The following LMX1B variants were observed in gnomAD, a reference collection of about 807,000 sequenced individuals.
The protein encoded by LMX1B is LIM homeobox transcription factor 1 beta.
LMX1B carries 12 observed loss-of-function variants against 51.4 expected under a neutral mutation model. That is an observed-to-expected ratio of 0.23 (90% CI 0.15 to 0.38). The LOEUF (loss-of-function observed/expected upper bound fraction) is 0.38. Among genes scored for constraint, LMX1B ranks in the 10% least tolerant of loss-of-function variants. The pLI, the probability that LMX1B is intolerant of heterozygous loss-of-function variation, is 1.00. For synonymous variants in LMX1B, 237 were observed against 235.4 expected, an observed-to-expected ratio of 1.01 and a Z score of -0.06; for missense variants, 445 against 571.1, an observed-to-expected ratio of 0.78 and a Z score of 2.25.
rs551904072 is a variant in LMX1B, at chr9:126,673,897, C to T, written c.327-16939C>T. Among the ~76,000 whole-genome samples the T allele has an allele frequency of 9.8e-5, 15 of 152,308 alleles. No individual in the cohort carries two copies. The South Asian group carries it at 3.1e-3, about 32-fold the overall frequency. On this transcript the variant is annotated intron_variant, in intron 2 of 7. Coordinates refer to ENST00000373474, the MANE Select transcript of LMX1B (RefSeq NM_001174147.2). This position sits in a 1 kb window ranked among gnomAD's most constrained non-coding sequence, Gnocchi z 4.4. ...GCAGAGTAAACAGCCGCTGCCCTGT[C>T]CTCTCTGCGGCCGTGGCCAGGTACA...
intron 2 of LMX1B, among the ~76,000 whole-genome samples, chr9:126,681,530 C>G (rs1204626500): frequency 6.6e-6 from 1 of 152,104 alleles, no homozygotes; most frequent in African/African-American, 2.4e-5. Context: ...CTTCACTGTG[C>G]TAACTTCCCA....
At chr9:126,665,500 C>T (rs1046607924) in intron 2 of LMX1B, among the ~76,000 whole-genome samples, 1 of 152,240 alleles carries the variant, frequency 6.6e-6, no homozygotes, top group Non-Finnish European at 1.5e-5. Context: ...TGGCGGCCAC[C>T]GGCCAGCGGG....
intron 2 of LMX1B, among the ~76,000 whole-genome samples, chr9:126,631,508 C>T (rs917282980): frequency 3.3e-5 from 5 of 151,106 alleles, no homozygotes; most frequent in East Asian, 2.0e-4. Context: ...TGGCTCAGCT[C>T]GGCCGGCCGG....
chr9:126,639,985 G>A (rs1835778501), intron 2 of LMX1B, among the ~76,000 whole-genome samples: 1 of 152,202 alleles, frequency 6.6e-6, no homozygotes, highest in African/African-American at 2.4e-5. Flanking sequence ...TTTTAATGGC[G>A]CTCAAATGCT....
intron 2 of LMX1B, among the ~76,000 whole-genome samples, chr9:126,635,542 G>A (rs1234101171): frequency 6.6e-6 from 1 of 152,202 alleles, no homozygotes; most frequent in African/African-American, 2.4e-5. Flanking sequence ...TAACTGTTTC[G>A]GAGGAGGCTG....
At chr9:126,651,800 G>C (rs1588281128) in intron 2 of LMX1B, among the ~76,000 whole-genome samples, 1 of 152,130 alleles carries the variant, frequency 6.6e-6, no homozygotes, top group East Asian at 1.9e-4. Flanking sequence ...ACAGACCAGG[G>C]TCTGAGCTGG....
At chr9:126,651,195 T>A (rs1243802261) in intron 2 of LMX1B, among the ~76,000 whole-genome samples, 1 of 151,994 alleles carries the variant, frequency 6.6e-6, no homozygotes, top group South Asian at 2.1e-4. Context: ...TGGGGCTGAC[T>A]GATCCTCCTC....
chr9:126,650,941 G>A (rs193072225), intron 2 of LMX1B, among the ~76,000 whole-genome samples: 3 of 152,326 alleles, frequency 2.0e-5, no homozygotes, highest in Admixed American at 2.0e-4. Context: ...AACAGTATGT[G>A]TCATGTAGCC....
chr9:126,649,983 A>G (rs1835970214), intron 2 of LMX1B, among the ~76,000 whole-genome samples: 1 of 152,154 alleles, frequency 6.6e-6, no homozygotes, highest in African/African-American at 2.4e-5. Context: ...CATCAGTTCC[A>G]TCCCTGCTTG....
intron 2 of LMX1B, among the ~76,000 whole-genome samples, chr9:126,643,612 C>T (rs183235938): frequency 2.6e-5 from 4 of 152,248 alleles, no homozygotes; most frequent in African/African-American, 7.2e-5. Context: ...AGCTGGGACA[C>T]TTTTGGGCAA....
At chr9:126,624,095 C>A (rs1422876116) in intron 2 of LMX1B, among the ~76,000 whole-genome samples, 1 of 152,258 alleles carries the variant, frequency 6.6e-6, no homozygotes, top group African/African-American at 2.4e-5. Context: ...CCTGCCCTTT[C>A]TAAAGCGCAG....
At chr9:126,647,905 C>T (rs1438893452) in intron 2 of LMX1B, among the ~76,000 whole-genome samples, 2 of 152,240 alleles carry the variant, frequency 1.3e-5, no homozygotes, top group African/African-American at 4.8e-5. Context: ...CCTCTCTCCC[C>T]AGAGATCCGA....
chr9:126,676,418 C>T (rs1255129768), intron 2 of LMX1B, among the ~76,000 whole-genome samples: 1 of 152,190 alleles, frequency 6.6e-6, no homozygotes, highest in Non-Finnish European at 1.5e-5. Context: ...GCACCTGGCA[C>T]ACAATAAGCA....
intron 4 of LMX1B, 67 bp downstream of exon 4, chr9:126,693,390 C>T (rs1195663071): frequency 1.3e-6 from 2 of 1,550,982 alleles, no homozygotes; most frequent in East Asian, 4.6e-5. Flanking sequence ...CTGGAGACCA[C>T]CCCCTGCTCC....
At chr9:126,683,104 C>A (rs1418361278) in intron 2 of LMX1B, among the ~76,000 whole-genome samples, 2 of 151,120 alleles carry the variant, frequency 1.3e-5, no homozygotes, top group African/African-American at 4.8e-5. Context: ...GGGCCGGCGG[C>A]CCCGCACAGC....
At chr9:126,637,357 G>A (rs1181380844) in intron 2 of LMX1B, among the ~76,000 whole-genome samples, 3 of 152,120 alleles carry the variant, frequency 2.0e-5, no homozygotes, top group African/African-American at 7.2e-5. Flanking sequence ...GAGCCTGCAC[G>A]TCACCCTCTG....
intron 2 of LMX1B, among the ~76,000 whole-genome samples, chr9:126,645,541 T>C (rs1429524455): frequency 6.6e-6 from 1 of 152,160 alleles, no homozygotes; most frequent in African/African-American, 2.4e-5. Context: ...TCTTGTTCAG[T>C]GAACAACCTA....
chr9:126,632,080 C>G (rs1373862274), intron 2 of LMX1B, among the ~76,000 whole-genome samples: 3 of 152,190 alleles, frequency 2.0e-5, no homozygotes, highest in Non-Finnish European at 4.4e-5. Context: ...TGACCTTTGA[C>G]AAATTCCTTA....
chr9:126,625,044 C>T lies in LMX1B; in HGVS notation c.326+9475C>T, dbSNP rs550352835. 9.1e-4 allele frequency among the ~76,000 whole-genome samples: 138 copies of T among 152,330 alleles called. No homozygotes were observed. Among genetic ancestry groups the T allele is most frequent in the Middle Eastern group, 3.4e-3 (1 of 294 alleles). ...TCTGTCGTTTAATCAGAGGCTGTGC[C>T]GCTCAAACCGCGGGGCCCTTTGTCC... On this transcript the variant is annotated intron_variant, in intron 2 of 7. Coordinates refer to ENST00000373474, the MANE Select transcript of LMX1B (RefSeq NM_001174147.2). The surrounding 1 kb of genome is among the most constrained non-coding windows in gnomAD (Gnocchi z 5.3).
Sources: allele counts gnomAD v4.1 joint callset (sites outside exome capture counted in the v4.1 genomes callset), GRCh38; gene constraint gnomAD v4.1.1; non-coding constraint Gnocchi (gnomAD v3.1); transcripts MANE v1.5; gene names NCBI Gene and HGNC (gene_info 2026-07-23, HGNC 2026-07-21).